Variants in TANGO6 observed in about 807,000 individuals in gnomAD.
TANGO6 encodes the protein transport and golgi organization 6 homolog.
Under a neutral mutation model 114.2 loss-of-function variants are expected in TANGO6, and 90 were observed. The ratio of observed to expected loss-of-function variants is 0.79; its 90% CI spans 0.66 to 0.94. The LOEUF is 0.94. TANGO6 is among the 40% of genes least tolerant of loss of function. The pLI, the probability that TANGO6 is intolerant of heterozygous loss-of-function variation, is 0.00. For missense variants in TANGO6, 1,274 were observed against 1,315.3 expected, an observed-to-expected ratio of 0.97 and a Z score of 0.49; for synonymous variants, 477 against 509.8, an observed-to-expected ratio of 0.94 and a Z score of 0.87.
At chr16:68,855,176 A>C (rs1238150473) in intron 1 of TANGO6, among the ~76,000 whole-genome samples, 8 of 151,054 alleles carry the variant, frequency 5.3e-5, no homozygotes, top group Non-Finnish European at 1.0e-4. Context: ...ATTGCACTCC[A>C]GCCTGGGTGA....
At chr16:68,921,437 G>A (rs991877420) in intron 12 of TANGO6, among the ~76,000 whole-genome samples, 13 of 151,776 alleles carry the variant, frequency 8.6e-5, no homozygotes, top group Non-Finnish European at 1.6e-4. Context: ...ACCCGCCTCG[G>A]CCTCCCAAAG....
At chr16:68,896,670 C>G (rs1962710071) in intron 7 of TANGO6, among the ~76,000 whole-genome samples, 2 of 152,134 alleles carry the variant, frequency 1.3e-5, no homozygotes, top group Non-Finnish European at 2.9e-5. Flanking sequence ...TAGATTTGAG[C>G]TCAGTACCGA....
In TANGO6 at chr16:69,061,457, A is replaced by G. The variant is rs1960113982; in HGVS notation, c.3108+21036A>G. On this transcript the variant is annotated intron_variant, in intron 17 of 17. Coordinates refer to ENST00000261778, the MANE Select transcript of TANGO6 (RefSeq NM_024562.2). ...CATGCACCTGTAGTCCCAGCTACAC[A>G]GGAGGCTGAAAGCAGGACCTGGGAG... Among the ~76,000 whole-genome samples, 3 of 152,122 alleles carry G rather than the reference A, an allele frequency of 2.0e-5. No individual in the cohort carries two copies. In the South Asian group the frequency reaches 6.2e-4, roughly 32 times the overall value.
chr16:68,980,383 T>TTC (rs143061953), intron 15 of TANGO6, among the ~76,000 whole-genome samples: 470 of 36,806 alleles, frequency 0.013, 16 homozygotes, highest in East Asian at 0.032. Flanking sequence ...CTGTCTGTCA[T>TTC]TCTCTCTCTC....
chr16:68,946,721 G>C (rs7194310), intron 14 of TANGO6, among the ~76,000 whole-genome samples: 13,514 of 152,118 alleles, frequency 0.089, 704 homozygotes, highest in African/African-American at 0.13. Context: ...AGGCTGGTCT[G>C]AAACTCCTGG....
chr16:68,912,289 CG>C (rs1567538156), intron 11 of TANGO6, among the ~76,000 whole-genome samples: 1 of 151,858 alleles, frequency 6.6e-6, no homozygotes, highest in East Asian at 1.9e-4. Flanking sequence ...CCTGAGCCCA[CG>C]AGTTCGAGAC....
chr16:69,017,243 T>G (rs1959315571), intron 15 of TANGO6, among the ~76,000 whole-genome samples: 1 of 152,198 alleles, frequency 6.6e-6, no homozygotes, highest in Admixed American at 6.5e-5. Context: ...TCAGTATTTT[T>G]CCTCTTCCCC....
chr16:69,072,026 C>CAT (rs1960301456), intron 17 of TANGO6, among the ~76,000 whole-genome samples: 1 of 92,986 alleles, frequency 1.1e-5, no homozygotes, highest in Admixed American at 1.1e-4. Context: ...AGAGGGAGAC[C>CAT]GTGTGTGTGT....
At chr16:69,023,065 C>A in intron 16 of TANGO6, 86 bp downstream of exon 16, 1 of 1,396,816 alleles carries the variant, frequency 7.2e-7, no homozygotes, top group East Asian at 2.6e-5. Context: ...GAGACCTGGG[C>A]TCTTTTTGCA....
At chr16:68,933,879 C>T (rs1265870839) in intron 14 of TANGO6, 1 of 152,212 alleles carries the variant, frequency 6.6e-6, no homozygotes, top group African/African-American at 2.4e-5. Flanking sequence ...CTCCCAGAGG[C>T]AAGGTTGTCA....
intron 15 of TANGO6, among the ~76,000 whole-genome samples, chr16:68,978,671 C>T (rs1336100429): frequency 6.6e-6 from 1 of 152,128 alleles, no homozygotes; most frequent in African/African-American, 2.4e-5. Context: ...CTAGTTCCCT[C>T]AGCCTAGGCC....
intron 7 of TANGO6, among the ~76,000 whole-genome samples, chr16:68,884,857 G>C (rs963019911): frequency 3.9e-5 from 6 of 152,204 alleles, no homozygotes; most frequent in African/African-American, 1.4e-4. Context: ...TTGGTCAACA[G>C]TTTGGCGAAT....
intron 15 of TANGO6, among the ~76,000 whole-genome samples, chr16:68,989,165 T>C (rs1262768529): frequency 6.6e-6 from 1 of 152,160 alleles, no homozygotes; most frequent in Non-Finnish European, 1.5e-5. Flanking sequence ...GCCCAGCCCA[T>C]GATTCTTAAT....
intron 14 of TANGO6, among the ~76,000 whole-genome samples, chr16:68,968,254 CAG>C (rs1387326526): frequency 6.6e-6 from 1 of 151,892 alleles, no homozygotes; most frequent in African/African-American, 2.4e-5. Context: ...TTAGTAGAGA[CAG>C]GGTTTCACCA....
intron 7 of TANGO6, among the ~76,000 whole-genome samples, chr16:68,890,545 TAAGG>T (rs1307706390): frequency 6.6e-6 from 1 of 152,232 alleles, no homozygotes; most frequent in African/African-American, 2.4e-5. Context: ...CAGTAGTCTC[TAAGG>T]GACATGCTTA....
intron 17 of TANGO6, among the ~76,000 whole-genome samples, chr16:69,075,870 G>A (rs1302643403): frequency 2.0e-5 from 3 of 149,046 alleles, no homozygotes; most frequent in Admixed American, 6.8e-5. Flanking sequence ...GGGTTCAAGC[G>A]ATTCCCGTTT....
intron 16 of TANGO6, chr16:69,034,161 G>A (rs1959648981): frequency 6.5e-6 from 1 of 153,604 alleles, no homozygotes; most frequent in Non-Finnish European, 1.5e-5. Context: ...GGTTACTGGG[G>A]GAACAAGATC....
chr16:69,067,533 A>AAAAAAAAAAAAAAAC (rs1960233589), intron 17 of TANGO6, among the ~76,000 whole-genome samples: 1 of 146,024 alleles, frequency 6.8e-6, no homozygotes, highest in South Asian at 2.2e-4. Flanking sequence ...AAAAAAAAAA[A>AAAAAAAAAAAAAAAC]AAAACGCTGG....
At chr16:68,850,635 G>A (rs954439069) in intron 1 of TANGO6, among the ~76,000 whole-genome samples, 1 of 152,174 alleles carries the variant, frequency 6.6e-6, no homozygotes, top group Non-Finnish European at 1.5e-5. Context: ...CTTTTTCTCT[G>A]AAGGACCAGA....
Sources: gnomAD v4.1 joint callset for allele counts (sites outside exome capture counted in the v4.1 genomes callset) on GRCh38, gnomAD v4.1.1 for gene constraint, MANE v1.5 for transcripts, NCBI Gene and HGNC (gene_info 2026-07-23, HGNC 2026-07-21) for gene names.